The following MAPK4 variants were observed in gnomAD, a reference collection of about 807,000 sequenced individuals.
The protein encoded by MAPK4 is mitogen-activated protein kinase 4, also known as Erk3-related.
In MAPK4, 22 loss-of-function variants were observed where a neutral mutation model predicts 47.7. The ratio of observed to expected loss-of-function variants is 0.46; its 90% CI spans 0.33 to 0.66. The LOEUF is 0.66. MAPK4 is among the 30% of genes least tolerant of loss of function. The pLI, the probability that MAPK4 is intolerant of heterozygous loss-of-function variation, is 0.02. For missense variants in MAPK4, 736 were observed against 831.7 expected (o/e 0.88, Z 1.42); for synonymous variants, 390 against 365.7 (o/e 1.07, Z -0.76).
chr18:50,693,109 A>C (rs1052483426), intron 2 of MAPK4, among the ~76,000 whole-genome samples: 3 of 152,108 alleles, frequency 2.0e-5, no homozygotes, highest in Non-Finnish European at 4.4e-5. Context: ...AAATACAAAA[A>C]GTAGCCTGGC....
At chr18:50,632,521 G>T (rs896635715) in intron 1 of MAPK4, among the ~76,000 whole-genome samples, 9 of 151,418 alleles carry the variant, frequency 5.9e-5, no homozygotes, top group African/African-American at 2.2e-4. Context: ...TTCATGTTCT[G>T]TCATGTTCTG....
At chr18:50,616,227 T>C (rs2042683506) in intron 1 of MAPK4, among the ~76,000 whole-genome samples, 1 of 152,170 alleles carries the variant, frequency 6.6e-6, no homozygotes, top group South Asian at 2.1e-4. Context: ...GAAAGATGCC[T>C]GGACAGTGTG....
chr18:50,701,745 A>G lies in MAPK4; in HGVS notation c.547-13334A>G, dbSNP rs1909796999. Among the ~76,000 whole-genome samples, 4 of 152,186 alleles carry G rather than the reference A, an allele frequency of 2.6e-5. No homozygotes were observed. The South Asian group carries it at 8.3e-4, about 32-fold the overall frequency. The stretch of plus-strand genomic sequence containing the variant: ...GAGAATAGAAGTTGAGTCACCACAT[A>G]AGAAAATTAGAAACGCCCCCCAAAT... On this transcript the variant is annotated intron_variant, in intron 2 of 5. Transcript: ENST00000400384.
chr18:50,645,091 G>T (rs1261264379), intron 1 of MAPK4, among the ~76,000 whole-genome samples: 1 of 152,230 alleles, frequency 6.6e-6, no homozygotes, highest in Non-Finnish European at 1.5e-5. Flanking sequence ...GGAGAGAGTG[G>T]CAGGGAGAAC....
chr18:50,650,264 G>C (rs1008836246), intron 1 of MAPK4, among the ~76,000 whole-genome samples: 1 of 152,322 alleles, frequency 6.6e-6, no homozygotes, highest in African/African-American at 2.4e-5. Context: ...GCAGGCAGCT[G>C]CCTCTGGGGC....
intron 2 of MAPK4, among the ~76,000 whole-genome samples, chr18:50,672,147 C>T (rs1907991053): frequency 6.6e-6 from 1 of 152,110 alleles, no homozygotes; most frequent in African/African-American, 2.4e-5. Context: ...TGGCAACCCA[C>T]AGGGTGCAGG....
chr18:50,635,414 C>T (rs1392805115), intron 1 of MAPK4, among the ~76,000 whole-genome samples: 1 of 152,030 alleles, frequency 6.6e-6, no homozygotes, highest in Non-Finnish European at 1.5e-5. Flanking sequence ...ATTTCTATAC[C>T]CACCAGCACC....
At chr18:50,580,722 G>T (rs2042336019) in intron 1 of MAPK4, among the ~76,000 whole-genome samples, 1 of 152,178 alleles carries the variant, frequency 6.6e-6, no homozygotes, top group Non-Finnish European at 1.5e-5. Flanking sequence ...TGTTGGCCCT[G>T]CTCCGTGGAA....
At position 50,663,835 on chromosome 18, in the gene MAPK4, A is replaced by G. The variant is rs1598883571; in HGVS notation, c.-124A>G. 3.7e-5 allele frequency: 30 copies of G among 810,618 alleles called. No homozygotes were observed. In the East Asian group the frequency reaches 7.5e-4, roughly 20 times the overall value. The allele number at this position is 810,618 out of a possible 1,614,324, so 50.2% of individuals were successfully genotyped here. On this transcript the variant is annotated 5_prime_UTR_variant, in exon 2 of 6. Coordinates refer to ENST00000400384, the MANE Select transcript of MAPK4 (RefSeq NM_002747.4). Reference sequence around the variant, plus strand: ...CTGGTGGCAGTGACCTCACTAGGAGAAAACACATCCCTCAGCCGTGGGACT... The same window carrying G: ...CTGGTGGCAGTGACCTCACTAGGAGGAAACACATCCCTCAGCCGTGGGACT...
chr18:50,689,265 G>A (rs561254837), intron 2 of MAPK4, among the ~76,000 whole-genome samples: 75 of 149,360 alleles, frequency 5.0e-4, no homozygotes, highest in Non-Finnish European at 8.5e-4. Context: ...AGGTGTGGTG[G>A]TGCAAGCCTG....
chr18:50,629,250 T>C (rs1418749712), intron 1 of MAPK4, among the ~76,000 whole-genome samples: 1 of 152,202 alleles, frequency 6.6e-6, no homozygotes, highest in Non-Finnish European at 1.5e-5. Flanking sequence ...TTGACGTGTG[T>C]TGTTAATTCC....
Position 50,663,859 on chromosome 18 carries a change from C to A in MAPK4, c.-100C>A. 2 of 1,044,882 alleles carry A rather than the reference C, an allele frequency of 1.9e-6. No homozygotes were observed. Among genetic ancestry groups the A allele is most frequent in the Non-Finnish European group, 2.8e-6 (2 of 711,984 alleles). The allele number at this position is 1,044,882 out of a possible 1,614,324, so 64.7% of individuals were successfully genotyped here. ...GAAAACACATCCCTCAGCCGTGGGA[C>A]TTGACAGAATGAGGTGCGCGAGGGA... On this transcript the variant is annotated 5_prime_UTR_variant, in exon 2 of 6. Coordinates refer to ENST00000400384, the MANE Select transcript of MAPK4 (RefSeq NM_002747.4).
chr18:50,634,897 T>C (rs753391992), intron 1 of MAPK4, among the ~76,000 whole-genome samples: 4 of 152,158 alleles, frequency 2.6e-5, no homozygotes, highest in Non-Finnish European at 5.9e-5. Flanking sequence ...TCCAGAGCAG[T>C]GGTGCTCAAT....
rs1910563793 is a variant in MAPK4, at chr18:50,714,985, A to C, written c.547-94A>C. The C allele has an allele frequency of 5.7e-6, 7 of 1,228,632 alleles. 1 individual carries two copies. The Middle Eastern group carries it at 1.2e-3, about 207-fold the overall frequency. The allele number at this position is 1,228,632 out of a possible 1,614,324, so 76.1% of individuals were successfully genotyped here. ...GCAAGAATGAAAGGGACCCTGAAAGAGGTCTGTTTCATGGGAGGGGAAACT... is the reference window on the plus strand; with the variant it reads ...GCAAGAATGAAAGGGACCCTGAAAGCGGTCTGTTTCATGGGAGGGGAAACT... On this transcript the variant is annotated intron_variant, in intron 2 of 5. Coordinates refer to ENST00000400384, the MANE Select transcript of MAPK4 (RefSeq NM_002747.4).
chr18:50,652,922 C>T (rs1378685680), intron 1 of MAPK4, among the ~76,000 whole-genome samples: 1 of 152,100 alleles, frequency 6.6e-6, no homozygotes, highest in Non-Finnish European at 1.5e-5. Context: ...TGGATTACAC[C>T]TGTAATCCCA....
intron 1 of MAPK4, among the ~76,000 whole-genome samples, chr18:50,612,163 G>T (rs2042643051): frequency 1.3e-5 from 2 of 152,152 alleles, no homozygotes; most frequent in African/African-American, 4.8e-5. Flanking sequence ...TTTTAGAAGA[G>T]AATACTCATT....
chr18:50,643,780 A>G (rs2042963028), intron 1 of MAPK4, among the ~76,000 whole-genome samples: 1 of 152,142 alleles, frequency 6.6e-6, no homozygotes, highest in African/African-American at 2.4e-5. Context: ...TGTTGACCTC[A>G]GTCTAGGGCC....
At chr18:50,723,638 AG>A (rs1598959446) in intron 4 of MAPK4, among the ~76,000 whole-genome samples, 1 of 152,186 alleles carries the variant, frequency 6.6e-6, no homozygotes, top group Non-Finnish European at 1.5e-5. Context: ...CGAGGCGGGC[AG>A]ACCTCTTGAG....
chr18:50,570,750 C>T (rs993066636), intron 1 of MAPK4, among the ~76,000 whole-genome samples: 15 of 152,168 alleles, frequency 9.9e-5, no homozygotes, highest in African/African-American at 3.6e-4. Flanking sequence ...GAATCAGCAG[C>T]CACATCTATT....
Sources: gnomAD v4.1 joint callset for allele counts (sites outside exome capture counted in the v4.1 genomes callset) on GRCh38, gnomAD v4.1.1 for gene constraint, MANE v1.5 for transcripts, NCBI Gene and HGNC (gene_info 2026-07-23, HGNC 2026-07-21) for gene names.